RAI2: variants seen among roughly 807,000 people sequenced by gnomAD.
The protein encoded by RAI2 is retinoic acid induced 2.
A neutral mutation model predicts 15.3 loss-of-function variants in RAI2; 5 were observed. The ratio of observed to expected loss-of-function variants is 0.33; its 90% CI spans 0.17 to 0.69. RAI2 has a LOEUF of 0.69. Among genes scored for constraint, RAI2 ranks in the 30% least tolerant of loss-of-function variants. The pLI is 0.69. For missense variants in RAI2, 424 were observed against 424.7 expected (o/e 1.00, Z 0.01); for synonymous variants, 191 against 184.0 (o/e 1.04, Z -0.31).
rs186971927 is a variant in RAI2, at chrX:17,857,374, G to A, written c.-25+3724C>T. On this transcript the variant is annotated intron_variant, in intron 1 of 1. Coordinates refer to ENST00000451717, the MANE Select transcript of RAI2 (RefSeq NM_021785.6). ...TACCACCTGGTTGGAAGGGGGCTACGGGGCTTGCTTTAACGATACATTTGC... is the reference window on the plus strand; with the variant it reads ...TACCACCTGGTTGGAAGGGGGCTACAGGGCTTGCTTTAACGATACATTTGC... Among the ~76,000 whole-genome samples the A allele has an allele frequency of 7.3e-4, 82 of 111,767 alleles. 2 individuals carry two copies. The highest frequency in any genetic ancestry group is 4.7e-3 in the Admixed American group (50 of 10,634).
At chrX:17,828,434 G>A (rs752725216) in intron 1 of RAI2, among the ~76,000 whole-genome samples, 3 of 111,830 alleles carry the variant, frequency 2.7e-5, no homozygotes, top group African/African-American at 9.7e-5. Context: ...CGCTTCCTTT[G>A]GCAGCTTCTT....
At chrX:17,813,523 C>T (rs2067071583) in intron 1 of RAI2, among the ~76,000 whole-genome samples, 1 of 111,136 alleles carries the variant, frequency 9.0e-6, no homozygotes, top group Admixed American at 9.6e-5. Flanking sequence ...AGATAAGAAC[C>T]GACAACTATG....
chrX:17,838,232 T>C (rs2067357054), intron 1 of RAI2, among the ~76,000 whole-genome samples: 1 of 112,442 alleles, frequency 8.9e-6, no homozygotes, highest in Non-Finnish European at 1.9e-5. Flanking sequence ...CTGTATTCTA[T>C]TTTGATCTGG....
At position 17,801,006 on chromosome X, in the gene RAI2, T is replaced by C. The variant is rs1481826658; in HGVS notation, c.1005A>G (p.Pro335=). Residue 335 remains proline, a synonymous_variant, in exon 2 of 2, where the codon CCA becomes CCG. Transcript: ENST00000451717. ...CTAGGGCTGCATCTTCCTGGAAGAT[T>C]GGGGGACTGACTTCACCAGCCTTGA... ...PWLKAGEVSP[P]IFQEDAALDL... 1 of 1,210,996 alleles carries C rather than the reference T, an allele frequency of 8.3e-7. No homozygotes were observed. Among genetic ancestry groups the C allele is most frequent in the Non-Finnish European group, 1.1e-6 (1 of 895,299 alleles).
intron 1 of RAI2, among the ~76,000 whole-genome samples, chrX:17,804,261 T>C (rs1004282736): frequency 8.9e-5 from 10 of 112,235 alleles, no homozygotes; most frequent in African/African-American, 3.2e-4. Context: ...ACCTGGCCTC[T>C]AATACACCAT....
chrX:17,849,619 G>T (rs1229540448), intron 1 of RAI2, among the ~76,000 whole-genome samples: 1 of 112,771 alleles, frequency 8.9e-6, no homozygotes, highest in Non-Finnish European at 1.9e-5. Context: ...ATGATTTCAT[G>T]AGCAGTCATT....
chrX:17,829,676 T>C (rs2067262657), intron 1 of RAI2, among the ~76,000 whole-genome samples: 1 of 112,621 alleles, frequency 8.9e-6, no homozygotes, highest in South Asian at 3.6e-4. Context: ...TTTTTAGATA[T>C]GAGATTTGTT....
chrX:17,849,153 T>C (rs1392405222), intron 1 of RAI2, among the ~76,000 whole-genome samples: 2 of 112,266 alleles, frequency 1.8e-5, no homozygotes, highest in Non-Finnish European at 3.8e-5. Context: ...GCTACAGGCC[T>C]CTGAGAAAAA....
At chrX:17,805,268 A>G (rs2066964375) in intron 1 of RAI2, among the ~76,000 whole-genome samples, 1 of 112,892 alleles carries the variant, frequency 8.9e-6, no homozygotes, top group East Asian at 2.8e-4. Flanking sequence ...CATGCAGGAA[A>G]CAGTATGAGA....
At chrX:17,851,597 C>T (rs1305963842) in intron 1 of RAI2, among the ~76,000 whole-genome samples, 1 of 111,671 alleles carries the variant, frequency 9.0e-6, no homozygotes, top group Admixed American at 9.4e-5. Flanking sequence ...CCATTCCCAT[C>T]CATTGATTGC....
At chrX:17,813,748 A>C (rs1432304252) in intron 1 of RAI2, among the ~76,000 whole-genome samples, 1 of 111,415 alleles carries the variant, frequency 9.0e-6, no homozygotes, top group African/African-American at 3.3e-5. Flanking sequence ...GCAGCATCCA[A>C]AGTTGTCCAG....
At position 17,800,392 on chromosome X, in the gene RAI2, T is replaced by A; in HGVS notation, c.*26A>T. 1 of 1,156,714 alleles carries A rather than the reference T, an allele frequency of 8.6e-7. No homozygotes were observed. Among genetic ancestry groups the A allele is most frequent in the Non-Finnish European group, 1.2e-6 (1 of 866,366 alleles). ...CAATGCACCTTTCCCCATATTATAA[T>A]CATACAAATTTTAAAAAGCCGTTAT... On this transcript the variant is annotated 3_prime_UTR_variant, in exon 2 of 2. Transcript: ENST00000451717.
At chrX:17,806,509 T>G (rs1287858077) in intron 1 of RAI2, among the ~76,000 whole-genome samples, 1 of 110,911 alleles carries the variant, frequency 9.0e-6, no homozygotes, top group Non-Finnish European at 1.9e-5. Context: ...CTGGAGACCC[T>G]GGAGACCTCA....
intron 1 of RAI2, among the ~76,000 whole-genome samples, chrX:17,858,623 C>T (rs367861896): frequency 1.8e-5 from 2 of 112,202 alleles, no homozygotes; most frequent in East Asian, 2.8e-4. Flanking sequence ...ACACACCTTC[C>T]AGTCTTTGAT....
chrX:17,838,802 C>T (rs760467425), intron 1 of RAI2, among the ~76,000 whole-genome samples: 1 of 111,547 alleles, frequency 9.0e-6, no homozygotes, highest in African/African-American at 3.3e-5. Flanking sequence ...CACAGTCACA[C>T]ACATGGGACT....
At chrX:17,812,310 T>G (rs974866247) in intron 1 of RAI2, among the ~76,000 whole-genome samples, 3 of 111,826 alleles carry the variant, frequency 2.7e-5, no homozygotes, top group African/African-American at 9.8e-5. Context: ...AATCAGCTAC[T>G]AGGAACTAAG....
intron 1 of RAI2, among the ~76,000 whole-genome samples, chrX:17,827,109 G>T (rs1264772832): frequency 8.9e-6 from 1 of 112,424 alleles, no homozygotes; most frequent in African/African-American, 3.2e-5. Context: ...ACTGCATTGG[G>T]GAGCTAAGGC....
At chrX:17,832,413 G>A (rs930807505) in intron 1 of RAI2, among the ~76,000 whole-genome samples, 8 of 112,003 alleles carry the variant, frequency 7.1e-5, no homozygotes, top group African/African-American at 1.9e-4. Context: ...ACAGCTGCTC[G>A]CCTCACCCAT....
intron 1 of RAI2, among the ~76,000 whole-genome samples, chrX:17,855,479 C>G (rs2067590039): frequency 8.9e-6 from 1 of 112,085 alleles, no homozygotes; most frequent in African/African-American, 3.3e-5. Context: ...TTCTGGGTCC[C>G]ACATTCCTCA....
Sources: gnomAD v4.1 joint callset for allele counts (sites outside exome capture counted in the v4.1 genomes callset) on GRCh38, gnomAD v4.1.1 for gene constraint, MANE v1.5 for transcripts, NCBI Gene and HGNC (gene_info 2026-07-23, HGNC 2026-07-21) for gene names.